The following ZNF407 variants were observed in gnomAD, a reference collection of about 807,000 sequenced individuals.
The protein encoded by ZNF407 is zinc finger protein 407.
In ZNF407, 17 loss-of-function variants were observed where a neutral mutation model predicts 131.2. The ratio of observed to expected loss-of-function variants is 0.13; its 90% CI spans 0.09 to 0.19. The LOEUF is 0.19. Ranked by LOEUF, ZNF407 falls within the 10% of genes least tolerant of loss-of-function variation. The pLI is 1.00. For synonymous variants in ZNF407, 1,156 were observed against 1,062.0 expected (o/e 1.09, Z -1.72); for missense variants, 2,681 against 2,830.6 (o/e 0.95, Z 1.20).
intron 1 of ZNF407, among the ~76,000 whole-genome samples, chr18:74,617,534 A>T (rs1004803985): frequency 6.6e-6 from 1 of 152,186 alleles, no homozygotes; most frequent in Non-Finnish European, 1.5e-5. Context: ...TGAAGACTGC[A>T]GTTCCCTCCA....
chr18:74,819,174 A>G (rs934016233), intron 4 of ZNF407, among the ~76,000 whole-genome samples: 4 of 152,196 alleles, frequency 2.6e-5, no homozygotes, highest in East Asian at 1.9e-4. Flanking sequence ...AAAAGGCCGG[A>G]AAAAAAATAG....
In ZNF407 at chr18:74,636,906, A is replaced by G. The variant is rs76102857; in HGVS notation, c.4687+1200A>G. Among the ~76,000 whole-genome samples the G allele has an allele frequency of 1.9e-4, 29 of 152,348 alleles. No homozygotes were observed. In the East Asian group the frequency reaches 5.6e-3, roughly 29 times the overall value. ...TTGTTGCAGCTTTCTTTCTGAAACGATACAGTTTTAGGAATAAGACTTGTT... is the reference window on the plus strand; with the variant it reads ...TTGTTGCAGCTTTCTTTCTGAAACGGTACAGTTTTAGGAATAAGACTTGTT... On this transcript the variant is annotated intron_variant, in intron 2 of 8. Coordinates refer to ENST00000299687, the MANE Select transcript of ZNF407 (RefSeq NM_017757.3).
intron 4 of ZNF407, among the ~76,000 whole-genome samples, chr18:74,812,220 G>A (rs1970207210): frequency 6.6e-6 from 1 of 152,060 alleles, no homozygotes; most frequent in South Asian, 2.1e-4. Flanking sequence ...TGAGATGTCT[G>A]GCAGTAGCTT....
chr18:74,625,677 TA>T (rs1983756499), intron 1 of ZNF407, among the ~76,000 whole-genome samples: 1 of 152,244 alleles, frequency 6.6e-6, no homozygotes. Flanking sequence ...CACTCAGCTT[TA>T]ATCATTATCA....
intron 3 of ZNF407, among the ~76,000 whole-genome samples, chr18:74,763,819 C>G (rs1350053090): frequency 1.3e-5 from 2 of 150,354 alleles, no homozygotes; most frequent in African/African-American, 4.9e-5. Context: ...ACGCCATTCT[C>G]CTGCCTCAGC....
chr18:74,767,064 A>G (rs756244817), intron 3 of ZNF407, among the ~76,000 whole-genome samples: 20 of 152,054 alleles, frequency 1.3e-4, no homozygotes, highest in Non-Finnish European at 2.1e-4. Context: ...GGTGCGCACC[A>G]TCATGCCTGG....
At chr18:74,956,851 A>G (rs909019302) in intron 8 of ZNF407, among the ~76,000 whole-genome samples, 1 of 152,186 alleles carries the variant, frequency 6.6e-6, no homozygotes, top group Non-Finnish European at 1.5e-5. Flanking sequence ...GACTTCATCA[A>G]TAGCTAGGGA....
chr18:74,809,309 G>T (rs1232561300), intron 4 of ZNF407, among the ~76,000 whole-genome samples: 1 of 152,144 alleles, frequency 6.6e-6, no homozygotes, highest in Non-Finnish European at 1.5e-5. Context: ...AAAAGTTATT[G>T]TCACTCTCAG....
intron 4 of ZNF407, among the ~76,000 whole-genome samples, chr18:74,842,346 A>G (rs1403936166): frequency 2.0e-5 from 3 of 152,184 alleles, no homozygotes; most frequent in Admixed American, 6.5e-5. Flanking sequence ...TGTTAAGTGC[A>G]CTTCTCATAT....
chr18:74,612,047 AC>A (rs1358101455), intron 1 of ZNF407, among the ~76,000 whole-genome samples: 1 of 152,194 alleles, frequency 6.6e-6, no homozygotes, highest in African/African-American at 2.4e-5. Context: ...GAAGTCCCGT[AC>A]AGTAGTGAGA....
intron 4 of ZNF407, among the ~76,000 whole-genome samples, chr18:74,815,548 A>G (rs935222812): frequency 6.6e-6 from 1 of 152,186 alleles, no homozygotes; most frequent in Non-Finnish European, 1.5e-5. Flanking sequence ...CACTAGCAAT[A>G]TGGGATATAT....
rs149979622 is a variant in ZNF407, at chr18:74,830,768, G to A, written c.4878-46429G>A. On this transcript the variant is annotated intron_variant, in intron 4 of 8. Coordinates refer to ENST00000299687, the MANE Select transcript of ZNF407 (RefSeq NM_017757.3). ...ACATTTATCATTTCTTTGTGTTGGG[G>A]ACATTCAGTGTCTTCCTTGTAGCTA... Among the ~76,000 whole-genome samples the A allele has an allele frequency of 9.5e-3, 1,448 of 152,222 alleles. 19 individuals are homozygous for A. The highest frequency in any genetic ancestry group is 0.033 in the African/African-American group (1,350 of 41,522).
rs1973689209 is a variant in ZNF407 at position 75,064,602 on chromosome 18, C to T, written c.*134C>T. 3.6e-6 allele frequency: 3 copies of T among 838,458 alleles called. No individual in the cohort carries two copies. The highest frequency in any genetic ancestry group is 6.4e-5 in the Admixed American group (2 of 31,314). The allele number at this position is 838,458 out of a possible 1,614,324, so 51.9% of individuals were successfully genotyped here. On this transcript the variant is annotated 3_prime_UTR_variant, in exon 9 of 9. Transcript: ENST00000299687. Reference sequence around the variant, plus strand: ...GGCTCCCGTGAGCTCTGAGCATGCCCTCCCAGCGAGAGTCACACTGGCCAC... The same window carrying T: ...GGCTCCCGTGAGCTCTGAGCATGCCTTCCCAGCGAGAGTCACACTGGCCAC...
intron 4 of ZNF407, among the ~76,000 whole-genome samples, chr18:74,869,387 G>C (rs571102323): frequency 3.5e-4 from 54 of 152,228 alleles, no homozygotes; most frequent in Middle Eastern, 3.4e-3. Context: ...TCCAAGCCCT[G>C]CAGCCCTGCC....
At chr18:74,735,298 A>T (rs1343875356) in intron 3 of ZNF407, among the ~76,000 whole-genome samples, 4 of 152,194 alleles carry the variant, frequency 2.6e-5, no homozygotes, top group Non-Finnish European at 5.9e-5. Flanking sequence ...TTCCACGCCT[A>T]GTAGCTGATA....
At chr18:74,983,720 C>A (rs1473344242) in intron 8 of ZNF407, among the ~76,000 whole-genome samples, 1 of 152,208 alleles carries the variant, frequency 6.6e-6, no homozygotes, top group African/African-American at 2.4e-5. Context: ...GCAGGATAGG[C>A]ACTGGGACAC....
At chr18:74,669,702 A>T (rs1986066986) in intron 3 of ZNF407, among the ~76,000 whole-genome samples, 1 of 152,084 alleles carries the variant, frequency 6.6e-6, no homozygotes. Flanking sequence ...GCACGTGCTC[A>T]TCTCTGTGAA....
In ZNF407 at chr18:74,859,527, C is replaced by T. The variant is rs192192485; in HGVS notation, c.4878-17670C>T. On this transcript the variant is annotated intron_variant, in intron 4 of 8. Transcript: ENST00000299687. ...GTTTCATAAAATCATTAATTTAACT[C>T]GAGATGGATTTTTGTAGGAAAGTAG... 2.1e-3 allele frequency among the ~76,000 whole-genome samples: 313 copies of T among 152,124 alleles called. 1 individual carries two copies. Among genetic ancestry groups the T allele is most frequent in the Non-Finnish European group, 3.5e-3 (236 of 68,010 alleles).
At chr18:74,717,605 C>T (rs960689630) in intron 3 of ZNF407, among the ~76,000 whole-genome samples, 1 of 152,052 alleles carries the variant, frequency 6.6e-6, no homozygotes, top group East Asian at 1.9e-4. Flanking sequence ...AGATTTTATT[C>T]GCTTATGTTT....
Sources: allele counts gnomAD v4.1 joint callset (sites outside exome capture counted in the v4.1 genomes callset), GRCh38; gene constraint gnomAD v4.1.1; transcripts MANE v1.5; gene names NCBI Gene and HGNC (gene_info 2026-07-23, HGNC 2026-07-21).